LARS2: variants seen among roughly 807,000 people sequenced by gnomAD.
The protein encoded by LARS2 is leucine--tRNA ligase, mitochondrial.
Under a neutral mutation model 116.6 loss-of-function variants are expected in LARS2, and 81 were observed. The ratio of observed to expected loss-of-function variants is 0.69; its 90% CI spans 0.58 to 0.84. The LOEUF (loss-of-function observed/expected upper bound fraction) is 0.84, where lower values mean the gene tolerates loss of function less well. Ranked by LOEUF, LARS2 falls within the 40% of genes least tolerant of loss-of-function variation. The probability of loss-of-function intolerance (pLI) is 0.00; values close to 1 mark genes in which losing one functional copy is unlikely to be tolerated. For synonymous variants in LARS2, 396 were observed against 407.2 expected, an observed-to-expected ratio of 0.97 and a Z score of 0.33; for missense variants, 968 against 1,114.5, an observed-to-expected ratio of 0.87 and a Z score of 1.87.
At chr3:45,525,035 A>G (rs948571869) in intron 20 of LARS2, among the ~76,000 whole-genome samples, 8 of 152,228 alleles carry the variant, frequency 5.3e-5, no homozygotes, top group African/African-American at 1.9e-4. Context: ...ATTGCCTTCT[A>G]CTTTAAAACA....
At position 45,491,752 on chromosome 3, in the gene LARS2, G is replaced by T. The variant is rs762492893; in HGVS notation, c.1475G>T (p.Gly492Val). The T allele has an allele frequency of 2.5e-6, 4 of 1,613,748 alleles. No individual in the cohort carries two copies. In the African/African-American group the frequency reaches 4.0e-5, roughly 16 times the overall value. The change falls in exon 13 of 22, where the codon GGC becomes GTC. Residue 492 changes from glycine (G) to valine (V), a missense_variant. Physicochemically the swap from Gly to Val is moderately radical, Grantham distance 109. Transcript: ENST00000645846. ...PNIASFTGKGGPPLAMASEWV... is the reference protein window; with the variant it reads ...PNIASFTGKGVPPLAMASEWV... ...ATCGCGTCTTTCACTGGCAAGGGAGGCCCCCCACTGGCCATGGCTTCAGAG... is the reference window on the plus strand; with the variant it reads ...ATCGCGTCTTTCACTGGCAAGGGAGTCCCCCCACTGGCCATGGCTTCAGAG...
At chr3:45,431,652 AT>A (rs1698716714) in intron 6 of LARS2, among the ~76,000 whole-genome samples, 1 of 146,622 alleles carries the variant, frequency 6.8e-6, no homozygotes, top group African/African-American at 2.5e-5. Flanking sequence ...CACAAAGAAA[AT>A]AGTTATAGAA....
intron 5 of LARS2, among the ~76,000 whole-genome samples, chr3:45,419,153 A>G (rs912794036): frequency 4.6e-5 from 7 of 152,230 alleles, no homozygotes; most frequent in African/African-American, 1.7e-4. Context: ...TTATATTATA[A>G]GTTGGTTTAC....
At chr3:45,478,518 T>A (rs1007750864) in intron 10 of LARS2, among the ~76,000 whole-genome samples, 1 of 152,080 alleles carries the variant, frequency 6.6e-6, no homozygotes, top group African/African-American at 2.4e-5. Flanking sequence ...AATGGAGAAA[T>A]TTTTTTTAGT....
intron 10 of LARS2, among the ~76,000 whole-genome samples, chr3:45,480,738 C>T (rs750398823): frequency 3.9e-5 from 6 of 152,164 alleles, no homozygotes; most frequent in East Asian, 1.9e-4. Flanking sequence ...GAGCTGCTAC[C>T]GTGCATTCAT....
At chr3:45,516,013 A>T in intron 16 of LARS2, 81 bp from the exon 17 acceptor site, 1 of 1,116,532 alleles carries the variant, frequency 9.0e-7, no homozygotes, top group Non-Finnish European at 1.3e-6. Flanking sequence ...TCGCTCACCC[A>T]GTTTTTACTT....
At chr3:45,532,454 G>A (rs914130260) in intron 20 of LARS2, among the ~76,000 whole-genome samples, 3 of 152,246 alleles carry the variant, frequency 2.0e-5, no homozygotes, top group Middle Eastern at 3.4e-3. Context: ...TATTGACCAT[G>A]TCATGGTAGA....
rs941688864 is a variant in LARS2, at chr3:45,528,531, G to T, written c.2404+4423G>T. On this transcript the variant is annotated intron_variant, in intron 20 of 21. Transcript: ENST00000645846. ...ACTTGTGCACCCATCACCATGATCA[G>T]TTTTAGAACTGGATTTCCATTACTG... Among the ~76,000 whole-genome samples, 4 of 152,078 alleles carry T rather than the reference G, an allele frequency of 2.6e-5. No homozygotes were observed. The South Asian group carries it at 8.3e-4, about 31-fold the overall frequency.
At chr3:45,525,419 G>A (rs1403253098) in intron 20 of LARS2, among the ~76,000 whole-genome samples, 1 of 152,102 alleles carries the variant, frequency 6.6e-6, no homozygotes, top group Non-Finnish European at 1.5e-5. Context: ...TACAGTTTCT[G>A]ACTTTAAGCA....
At chr3:45,518,779 C>T (rs779330951) in intron 18 of LARS2, among the ~76,000 whole-genome samples, 30 of 152,098 alleles carry the variant, frequency 2.0e-4, no homozygotes, top group South Asian at 4.1e-4. Context: ...TAATCAGTGT[C>T]GCTCATCTGC....
At chr3:45,492,537 A>G (rs939011645) in intron 13 of LARS2, among the ~76,000 whole-genome samples, 5 of 152,222 alleles carry the variant, frequency 3.3e-5, no homozygotes, top group African/African-American at 1.2e-4. Flanking sequence ...TACTAGGTTG[A>G]CAATTAGGTA....
intron 18 of LARS2, among the ~76,000 whole-genome samples, chr3:45,519,217 C>T (rs184156072): frequency 7.0e-4 from 107 of 152,160 alleles, no homozygotes; most frequent in African/African-American, 2.0e-3. Context: ...ATTGACAAGG[C>T]GCAGTGGCTC....
chr3:45,491,462 G>A (rs1430641809), intron 12 of LARS2, 55 bp from the exon 13 acceptor site: 2 of 1,553,562 alleles, frequency 1.3e-6, no homozygotes, highest in Non-Finnish European at 1.8e-6. Flanking sequence ...GCAGCATCAG[G>A]GTGGTGACTG....
At chr3:45,472,566 AATAAG>A (rs1324839676) in intron 8 of LARS2, among the ~76,000 whole-genome samples, 1 of 152,208 alleles carries the variant, frequency 6.6e-6, no homozygotes, top group African/African-American at 2.4e-5. Context: ...TAAAAATATA[AATAAG>A]ATAATAGAAG....
At chr3:45,426,643 C>T (rs1164045538) in intron 6 of LARS2, among the ~76,000 whole-genome samples, 2 of 152,156 alleles carry the variant, frequency 1.3e-5, no homozygotes, top group African/African-American at 4.8e-5. Context: ...ATAGACGGTA[C>T]ACTTGCAGTT....
rs190486665 is a variant in LARS2 at position 45,391,502 on chromosome 3, A to C, written c.-87-81A>C. The C allele has an allele frequency of 5.9e-5, 9 of 151,516 alleles. No individual in the cohort carries two copies. In the East Asian group the frequency reaches 1.7e-3, roughly 29 times the overall value. The allele number at this position is 151,516 out of a possible 1,614,324, so 9.4% of individuals were successfully genotyped here. ...CTGACTCAAAAAAAAAAAAAACAAA[A>C]TCCATCTGTGTTTTTATTTTTTTAT... On this transcript the variant is annotated intron_variant, in intron 1 of 21. Transcript: ENST00000645846.
chr3:45,527,652 A>C (rs1036360286), intron 20 of LARS2, among the ~76,000 whole-genome samples: 2 of 151,906 alleles, frequency 1.3e-5, no homozygotes. Flanking sequence ...TCTTATCTTT[A>C]GGGAGATACA....
chr3:45,416,690 G>A (rs1698427298), intron 4 of LARS2, among the ~76,000 whole-genome samples: 1 of 152,160 alleles, frequency 6.6e-6, no homozygotes, highest in African/African-American at 2.4e-5. Flanking sequence ...CTGAAGAACT[G>A]CATTTTTTAT....
rs1700262276 is a variant in LARS2 at position 45,509,955 on chromosome 3, A to G, written c.1761-3180A>G. ...TAGCATCCAGTGCCCCACTTCACTCATTTCTTTCTTCCCTCCTCTCTTGCC... is the reference window on the plus strand; with the variant it reads ...TAGCATCCAGTGCCCCACTTCACTCGTTTCTTTCTTCCCTCCTCTCTTGCC... On this transcript the variant is annotated intron_variant, in intron 15 of 21. Transcript: ENST00000645846. Among the ~76,000 whole-genome samples, 3 of 151,660 alleles carry G rather than the reference A, an allele frequency of 2.0e-5. No individual in the cohort carries two copies. The South Asian group carries it at 6.2e-4, about 32-fold the overall frequency.
Sources: gnomAD v4.1 joint callset for allele counts (sites outside exome capture counted in the v4.1 genomes callset) on GRCh38, gnomAD v4.1.1 for gene constraint, MANE v1.5 for transcripts, NCBI Gene and HGNC (gene_info 2026-07-23, HGNC 2026-07-21) for gene names.